ZC3H3: variants seen among roughly 807,000 people sequenced by gnomAD.
The protein encoded by ZC3H3 is zinc finger CCCH-type containing 3.
Under a neutral mutation model 77.3 loss-of-function variants are expected in ZC3H3, and 36 were observed. The ratio of observed to expected loss-of-function variants is 0.47; its 90% confidence interval spans 0.36 to 0.61. The LOEUF is 0.61. Ranked by LOEUF, ZC3H3 falls within the 20% of genes least tolerant of loss-of-function variation. The pLI, the probability that ZC3H3 is intolerant of heterozygous loss-of-function variation, is 0.00. For synonymous variants in ZC3H3, 626 were observed against 555.2 expected (o/e 1.13, Z -1.79); for missense variants, 1,331 against 1,312.2 (o/e 1.01, Z -0.22).
At chr8:143,520,150 G>C (rs116722143) in intron 3 of ZC3H3, among the ~76,000 whole-genome samples, 2,696 of 152,326 alleles carry the variant, frequency 0.018, 78 homozygotes, top group African/African-American at 0.061. Context: ...CCCAGCCCTG[G>C]ATGCATGGCC....
Position 143,538,184 on chromosome 8 carries a change from G to A in ZC3H3, c.1183C>T (p.Gln395Ter). The change falls in exon 2 of 12, where the codon CAG becomes TAG. Residue 395 changes from glutamine (Q) to a stop codon, truncating the protein, a stop_gained. Coordinates refer to ENST00000262577, the MANE Select transcript of ZC3H3 (RefSeq NM_015117.3). LOFTEE classifies it high-confidence loss of function. Reference protein sequence around the residue: ...SASSSSSFRWQSEASSKDHAS... With the variant: ...SASSSSSFRW ...TGGTCCTTGCTGCTGGCCTCCGACT[G>A]CCAACGGAAGGAGGAAGAGGAGGAG... 6.2e-7 allele frequency: 1 copy of A among 1,613,016 alleles called. No homozygotes were observed. The highest frequency in any genetic ancestry group is 8.5e-7 in the Non-Finnish European group (1 of 1,180,008).
intron 4 of ZC3H3, among the ~76,000 whole-genome samples, chr8:143,479,164 G>C (rs767608113): frequency 2.0e-5 from 3 of 152,228 alleles, no homozygotes; most frequent in Non-Finnish European, 4.4e-5. Flanking sequence ...GTTGGCGGGG[G>C]TGACGGAGAG....
rs181824604 is a variant in ZC3H3 at position 143,483,307 on chromosome 8, C to T, written c.1716-7722G>A. On this transcript the variant is annotated intron_variant, in intron 4 of 11. Coordinates refer to ENST00000262577, the MANE Select transcript of ZC3H3 (RefSeq NM_015117.3). ...ATGCATGTGTGTCCATGCGTGTGCG[C>T]GTGTGGGGCTGGCTGGAAGCCTCCC... is the stretch of plus-strand genomic sequence containing the variant. 2.0e-4 allele frequency among the ~76,000 whole-genome samples: 31 copies of T among 152,322 alleles called. No homozygotes were observed. The East Asian group carries it at 5.0e-3, about 25-fold the overall frequency.
intron 4 of ZC3H3, among the ~76,000 whole-genome samples, chr8:143,496,540 A>G (rs1432604856): frequency 6.6e-6 from 1 of 151,994 alleles, no homozygotes; most frequent in Non-Finnish European, 1.5e-5. Context: ...CAAGTGGAGT[A>G]AGACTCCTGG....
rs534304068 is a variant in ZC3H3 at position 143,504,671 on chromosome 8, A to C, written c.1715+3075T>G. Among the ~76,000 whole-genome samples, 394 of 152,064 alleles carry C rather than the reference A, an allele frequency of 2.6e-3. 1 individual carries two copies. The highest frequency in any genetic ancestry group is 4.1e-3 in the Non-Finnish European group (280 of 67,956). On this transcript the variant is annotated intron_variant, in intron 4 of 11. Transcript: ENST00000262577. The stretch of plus-strand genomic sequence containing the variant: ...TACACCCTACCCAAGATGCTCAGCC[A>C]CTCCCAGCACCTGGGACCTTCATGT...
intron 9 of ZC3H3, among the ~76,000 whole-genome samples, chr8:143,458,768 GCAGCGGC>G (rs1820183821): frequency 3.0e-5 from 2 of 65,648 alleles, no homozygotes. Flanking sequence ...ACAGCTGGGC[GCAGCGGC>G]TCACGCCTGT....
intron 4 of ZC3H3, among the ~76,000 whole-genome samples, chr8:143,504,892 C>T (rs1821640210): frequency 1.3e-5 from 2 of 152,248 alleles, no homozygotes; most frequent in South Asian, 2.1e-4. Context: ...TCACAGAGAG[C>T]AGGCCCGGCT....
Position 143,541,382 on chromosome 8 carries a change from G to A in ZC3H3, c.40C>T (p.Leu14=), listed in dbSNP as rs751380174. ...CGGCCCCGGCCGGACCTACCCTGCA[G>A]TAGGCGGATCTGCCGCCGTAATATC... ...KEILRRQIRL[L]QGLIDDYKTL... is the part of the protein sequence containing the mutation. The change falls in exon 1 of 12, where the codon CTG becomes TTG. Residue 14 remains leucine (L), a synonymous_variant. Coordinates refer to ENST00000262577, the MANE Select transcript of ZC3H3 (RefSeq NM_015117.3). 12 of 1,611,500 alleles carry A rather than the reference G, an allele frequency of 7.4e-6. No individual in the cohort carries two copies. Among genetic ancestry groups the A allele is most frequent in the South Asian group, 1.1e-5 (1 of 90,928 alleles).
intron 9 of ZC3H3, among the ~76,000 whole-genome samples, chr8:143,445,203 G>T (rs1377419867): frequency 6.6e-6 from 1 of 152,074 alleles, no homozygotes; most frequent in African/African-American, 2.4e-5. Flanking sequence ...CCAAAATGGA[G>T]AAACCCTGTC....
In ZC3H3 at chr8:143,493,884, G is replaced by A. The variant is rs1300508299; in HGVS notation, c.1715+13862C>T. Reference sequence around the variant, plus strand: ...CAACTGAATCAATATTTACTGCATTGAAACGAAATGAATAGTAATAAGTCA... The same window carrying A: ...CAACTGAATCAATATTTACTGCATTAAAACGAAATGAATAGTAATAAGTCA... On this transcript the variant is annotated intron_variant, in intron 4 of 11. Coordinates refer to ENST00000262577, the MANE Select transcript of ZC3H3 (RefSeq NM_015117.3). The surrounding 1 kb of genome is among the most constrained non-coding windows in gnomAD (Gnocchi z 4.8). Among the ~76,000 whole-genome samples, 1 of 152,192 alleles carries A rather than the reference G, an allele frequency of 6.6e-6. No individual in the cohort carries two copies. The highest frequency in any genetic ancestry group is 1.5e-5 in the Non-Finnish European group (1 of 68,038).
intron 5 of ZC3H3, among the ~76,000 whole-genome samples, chr8:143,470,663 G>A (rs886953041): frequency 2.0e-5 from 3 of 152,228 alleles, no homozygotes; most frequent in African/African-American, 7.2e-5. Context: ...TGCCCGCCTG[G>A]CAGGACCGGG....
At chr8:143,518,636 G>C (rs573068329) in intron 3 of ZC3H3, among the ~76,000 whole-genome samples, 55 of 152,376 alleles carry the variant, frequency 3.6e-4, no homozygotes, top group Admixed American at 2.4e-3. Context: ...CAGGCACCAG[G>C]TGTGCCCTGA....
chr8:143,539,060 G>C lies in ZC3H3; in HGVS notation c.307C>G (p.Pro103Ala), dbSNP rs1822914350. ...RPLHGARGGQ[P>A]PVPQQHVLER... is the part of the protein sequence containing the mutation. ...AGGACATGCTGCTGCGGGACAGGAGGCTGGCCCCCCCGGGCCCCGTGCAAC... is the reference window on the plus strand; with the variant it reads ...AGGACATGCTGCTGCGGGACAGGAGCCTGGCCCCCCCGGGCCCCGTGCAAC... Residue 103 changes from proline to alanine, a missense_variant, in exon 2 of 12, where the codon CCT becomes GCT. By Grantham distance (27) the Pro-to-Ala change is conservative (BLOSUM62 -1). Coordinates refer to ENST00000262577, the MANE Select transcript of ZC3H3 (RefSeq NM_015117.3). 6.2e-7 allele frequency: 1 copy of C among 1,613,034 alleles called. No homozygotes were observed. Among genetic ancestry groups the C allele is most frequent in the Admixed American group, 1.7e-5 (1 of 60,026 alleles).
intron 9 of ZC3H3, among the ~76,000 whole-genome samples, chr8:143,463,644 C>A (rs892951771): frequency 2.0e-5 from 3 of 152,176 alleles, no homozygotes; most frequent in African/African-American, 7.2e-5. Context: ...ACGTATCAGC[C>A]GGGGAGATCC....
intron 4 of ZC3H3, among the ~76,000 whole-genome samples, chr8:143,500,412 G>A (rs977992162): frequency 1.3e-5 from 2 of 152,218 alleles, no homozygotes; most frequent in East Asian, 1.9e-4. Flanking sequence ...ACAGGGTCCC[G>A]GGCCTGGGGC....
chr8:143,514,980 C>T (rs1000746020), intron 3 of ZC3H3, among the ~76,000 whole-genome samples: 40 of 152,254 alleles, frequency 2.6e-4, no homozygotes, highest in African/African-American at 7.2e-4. Flanking sequence ...AAGGCCTGTG[C>T]CCGGCCAGTG....
intron 11 of ZC3H3, 134 bp from the exon 12 acceptor site, chr8:143,438,221 C>A (rs747466397): frequency 8.6e-7 from 1 of 1,163,778 alleles, no homozygotes; most frequent in Non-Finnish European, 1.2e-6. Context: ...TGCAGAGATA[C>A]CCTCCTGAGT....
intron 4 of ZC3H3, among the ~76,000 whole-genome samples, chr8:143,485,989 G>A (rs982867593): frequency 6.6e-6 from 1 of 152,244 alleles, no homozygotes; most frequent in Non-Finnish European, 1.5e-5. Flanking sequence ...GCTGCTGCTG[G>A]CAGGCTGGGA....
rs574990223 is a variant in ZC3H3, at chr8:143,450,830, A to G, written c.2308-9710T>C. On this transcript the variant is annotated intron_variant, in intron 9 of 11. Coordinates refer to ENST00000262577, the MANE Select transcript of ZC3H3 (RefSeq NM_015117.3). Reference sequence around the variant, plus strand: ...CCAACATCGGGGATGATAATTCGACATGAGATTTGGGCAGGGACACAGGTC... The same window carrying G: ...CCAACATCGGGGATGATAATTCGACGTGAGATTTGGGCAGGGACACAGGTC... Among the ~76,000 whole-genome samples the G allele has an allele frequency of 2.6e-5, 4 of 152,314 alleles. No homozygotes were observed. In the South Asian group the frequency reaches 8.3e-4, roughly 32 times the overall value.
Sources: gnomAD v4.1 joint callset for allele counts (sites outside exome capture counted in the v4.1 genomes callset) on GRCh38, gnomAD v4.1.1 for gene constraint, Gnocchi (gnomAD v3.1) non-coding constraint, MANE v1.5 for transcripts, NCBI Gene and HGNC (gene_info 2026-07-23, HGNC 2026-07-21) for gene names.